TRHDE: variants seen among roughly 807,000 people sequenced by gnomAD.
TRHDE encodes the protein thyrotropin releasing hormone degrading enzyme.
A neutral mutation model predicts 125.7 loss-of-function variants in TRHDE; 72 were observed. The observed-to-expected ratio is 0.57, with a 90% confidence interval of 0.47 to 0.70. TRHDE has a LOEUF of 0.70. TRHDE is among the 30% of genes least tolerant of loss of function. The probability of loss-of-function intolerance (pLI) is 0.00; values close to 1 mark genes in which losing one functional copy is unlikely to be tolerated. For missense variants in TRHDE, 1,110 were observed against 1,327.1 expected (o/e 0.84, Z 2.54); for synonymous variants, 509 against 509.1 (o/e 1.00, Z 0.00).
chr12:72,370,578 A>G (rs1871533306), intron 2 of TRHDE, among the ~76,000 whole-genome samples: 2 of 151,878 alleles, frequency 1.3e-5, no homozygotes, highest in Admixed American at 6.6e-5. Flanking sequence ...ATATCTCCTC[A>G]CTTTTCTAAT....
chr12:72,261,092 G>T (rs1048188885), intron 2 of TRHDE, among the ~76,000 whole-genome samples: 4 of 152,120 alleles, frequency 2.6e-5, no homozygotes, highest in African/African-American at 7.2e-5. Context: ...GAAAGATTTA[G>T]ATTAAAATTT....
intron 6 of TRHDE, among the ~76,000 whole-genome samples, chr12:72,515,283 A>G (rs1432277927): frequency 7.2e-6 from 1 of 139,396 alleles, no homozygotes; most frequent in East Asian, 2.1e-4. Context: ...ATTTCTCCAC[A>G]TCCTCTCCAG....
chr12:72,401,802 T>C (rs1873053170), intron 3 of TRHDE, among the ~76,000 whole-genome samples: 1 of 152,156 alleles, frequency 6.6e-6, no homozygotes, highest in African/African-American at 2.4e-5. Context: ...TTGGAGAGTG[T>C]TTGCCTTTCT....
chr12:72,579,888 C>T (rs1218575033), intron 12 of TRHDE, among the ~76,000 whole-genome samples: 1 of 151,968 alleles, frequency 6.6e-6, no homozygotes, highest in Non-Finnish European at 1.5e-5. Flanking sequence ...AATGCAAATG[C>T]CCATATTTTA....
At chr12:72,461,391 C>T (rs1486846026) in intron 3 of TRHDE, among the ~76,000 whole-genome samples, 1 of 151,858 alleles carries the variant, frequency 6.6e-6, no homozygotes, top group Non-Finnish European at 1.5e-5. Flanking sequence ...GAGAATATAC[C>T]CTTGAAAGGA....
Position 72,091,751 on chromosome 12 carries a change from G to A in TRHDE, n.174+4312G>A, listed in dbSNP as rs374467836. Among the ~76,000 whole-genome samples the A allele has an allele frequency of 5.3e-5, 8 of 152,330 alleles. No homozygotes were observed. The South Asian group carries it at 1.7e-3, about 32-fold the overall frequency. On this transcript the variant is annotated intron_variant and non_coding_transcript_variant, in intron 1 of 4. Coordinates refer to the TRHDE transcript ENST00000548156. ...GGGTATGCCACCCAGAAGGAATGCT[G>A]AGGGCAGTCACGACCCAGGCACAAG...
chr12:72,365,892 C>T (rs1871321045), intron 2 of TRHDE, among the ~76,000 whole-genome samples: 1 of 152,052 alleles, frequency 6.6e-6, no homozygotes, highest in Admixed American at 6.6e-5. Flanking sequence ...AGGGCTGGTC[C>T]CTGTGGAGGC....
intron 2 of TRHDE, among the ~76,000 whole-genome samples, chr12:72,201,772 C>A (rs978629276): frequency 9.9e-5 from 15 of 152,170 alleles, no homozygotes; most frequent in African/African-American, 3.6e-4. Context: ...TGGCTAGTAA[C>A]CCTGCTCTGG....
intron 2 of TRHDE, among the ~76,000 whole-genome samples, chr12:72,205,332 G>GTTT (rs35613758): frequency 3.0e-4 from 41 of 138,726 alleles, no homozygotes; most frequent in South Asian, 2.5e-3. Flanking sequence ...CCAAAGCACT[G>GTTT]TTTTTTTTTT....
intron 2 of TRHDE, among the ~76,000 whole-genome samples, chr12:72,210,349 C>G (rs552149977): frequency 6.6e-6 from 1 of 152,192 alleles, no homozygotes; most frequent in African/African-American, 2.4e-5. Flanking sequence ...CATTGTTTCC[C>G]TTGTGCATCA....
chr12:72,331,462 A>G (rs1409494978), intron 2 of TRHDE, among the ~76,000 whole-genome samples: 2 of 69,102 alleles, frequency 2.9e-5, no homozygotes, highest in East Asian at 4.6e-4. Context: ...ACATTTCATT[A>G]CTATGCTACC....
rs751243542 is a variant in TRHDE at position 72,495,060 on chromosome 12, G to GTTTT, written c.1585-4415_1585-4412dup. On this transcript the variant is annotated intron_variant, in intron 5 of 18. Coordinates refer to ENST00000261180, the MANE Select transcript of TRHDE (RefSeq NM_013381.3). ...CATTTCTGTCAATAGTTCCTCCCCCGTTTTTTTTTTTTTTTTTTTTTTTTT... is the reference window on the plus strand; with the variant it reads ...CATTTCTGTCAATAGTTCCTCCCCCGTTTTTTTTTTTTTTTTTTTTTTTTTTTTT... Among the ~76,000 whole-genome samples the GTTTT allele has an allele frequency of 6.9e-4, 40 of 58,390 alleles. 5 individuals carry two copies. The highest frequency in any genetic ancestry group is 2.5e-3 in the African/African-American group (34 of 13,484). 38.3% of individuals were successfully genotyped at this position (58,390 alleles called of 152,430 possible). A position where few individuals can be genotyped will look rare whatever the true frequency, so the allele number is the denominator to read the frequency against.
chr12:72,495,074 T>TTTTTTG (rs1877854182), intron 5 of TRHDE, among the ~76,000 whole-genome samples: 2 of 141,192 alleles, frequency 1.4e-5, no homozygotes, highest in African/African-American at 2.6e-5. Flanking sequence ...TTTTTTTTTT[T>TTTTTTG]TTTTTTTTTT....
At chr12:72,408,104 A>G (rs1873340445) in intron 3 of TRHDE, among the ~76,000 whole-genome samples, 1 of 152,214 alleles carries the variant, frequency 6.6e-6, no homozygotes, top group East Asian at 1.9e-4. Flanking sequence ...AGCAAGGGCA[A>G]GCAAGCTAGA....
At chr12:72,090,595 C>T (rs944104527) in intron 1 of TRHDE, among the ~76,000 whole-genome samples, 1 of 151,972 alleles carries the variant, frequency 6.6e-6, no homozygotes. Context: ...CTGCCCATTG[C>T]CTTAAATATG....
At chr12:72,329,011 A>C (rs1206246273) in intron 2 of TRHDE, among the ~76,000 whole-genome samples, 1 of 152,202 alleles carries the variant, frequency 6.6e-6, no homozygotes, top group Non-Finnish European at 1.5e-5. Context: ...AAAAATACAA[A>C]AGAGAGTCTC....
At chr12:72,518,980 C>G (rs527751275) in intron 6 of TRHDE, among the ~76,000 whole-genome samples, 192 of 152,330 alleles carry the variant, frequency 1.3e-3, no homozygotes, top group African/African-American at 4.4e-3. Flanking sequence ...GGCCCCCACT[C>G]TCTTCTGGCT....
intron 2 of TRHDE, among the ~76,000 whole-genome samples, chr12:72,223,195 C>T (rs1878035289): frequency 6.6e-6 from 1 of 151,992 alleles, no homozygotes; most frequent in South Asian, 2.1e-4. Flanking sequence ...TGTAATTAAT[C>T]CATGTGAGAA....
intron 3 of TRHDE, among the ~76,000 whole-genome samples, chr12:72,409,204 A>T (rs1565730470): frequency 6.6e-6 from 1 of 152,222 alleles, no homozygotes; most frequent in African/African-American, 2.4e-5. Flanking sequence ...CTTAATAATA[A>T]CAATAGAATC....
Sources: allele counts gnomAD v4.1 joint callset (sites outside exome capture counted in the v4.1 genomes callset), GRCh38; gene constraint gnomAD v4.1.1; transcripts MANE v1.5; gene names NCBI Gene and HGNC (gene_info 2026-07-23, HGNC 2026-07-21).